Variants in CIITA observed in about 807,000 individuals in gnomAD.
CIITA encodes class II major histocompatibility complex transactivator, also known as MHC class II transactivator.
In CIITA, 72 loss-of-function variants were observed where a neutral mutation model predicts 115.1. The observed-to-expected ratio is 0.63, with a 90% CI of 0.52 to 0.76. CIITA has a LOEUF of 0.76. Ranked by LOEUF, CIITA falls within the 30% of genes least tolerant of loss-of-function variation. The pLI is 0.00. For synonymous variants in CIITA, 763 were observed against 635.6 expected (o/e 1.20, Z -3.02); for missense variants, 1,617 against 1,463.8 (o/e 1.10, Z -1.71).
chr16:10,891,506 T>A (rs1034435005), intron 1 of CIITA, among the ~76,000 whole-genome samples: 9 of 152,236 alleles, frequency 5.9e-5, no homozygotes, highest in African/African-American at 1.9e-4. Flanking sequence ...AATCATTTTA[T>A]AGATATGGCC....
chr16:10,905,083 G>A (rs2039046741), intron 10 of CIITA, among the ~76,000 whole-genome samples: 2 of 152,216 alleles, frequency 1.3e-5, no homozygotes, highest in South Asian at 2.1e-4. Flanking sequence ...TGAATGAGGG[G>A]CAAGCGAATG....
At chr16:10,872,398 T>C (rs2035549544), upstream of CIITA, among the ~76,000 whole-genome samples, 2 of 152,216 alleles carry the variant, frequency 1.3e-5, no homozygotes, top group Non-Finnish European at 2.9e-5. Flanking sequence ...GCTGGGATTA[T>C]AGGCGTGAGC....
rs1339376443 is a variant in CIITA, at chr16:10,909,021, C to T, written c.2658-8C>T. The T allele has an allele frequency of 1.9e-6, 3 of 1,614,110 alleles. No individual in the cohort carries two copies. Among genetic ancestry groups the T allele is most frequent in the Non-Finnish European group, 2.5e-6 (3 of 1,179,968 alleles). ...ACCGTGCCTGGGTCTGAGGCCCTCC[C>T]TCCACAGGGCTGCCTTGAGCGACAC... On this transcript the variant is annotated splice_polypyrimidine_tract_variant and splice_region_variant and intron_variant, in intron 11 of 19. Coordinates refer to ENST00000324288, the MANE Select transcript of CIITA (RefSeq NM_000246.4).
At chr16:10,906,212 T>C (rs1007063706) in intron 10 of CIITA, among the ~76,000 whole-genome samples, 1 of 151,828 alleles carries the variant, frequency 6.6e-6, no homozygotes, top group Non-Finnish European at 1.5e-5. Context: ...ATCAAAAAAT[T>C]ATCTGGGCAT....
chr16:10,913,966 T>TAAATAAATAA (rs746599484), intron 13 of CIITA, among the ~76,000 whole-genome samples: 1 of 77,360 alleles, frequency 1.3e-5, no homozygotes, highest in Non-Finnish European at 3.1e-5. Context: ...AATAAATAAA[T>TAAATAAATAA]AGAACTCCAT....
chr16:10,918,181 T>C (rs1466451034), intron 15 of CIITA, among the ~76,000 whole-genome samples: 1 of 152,146 alleles, frequency 6.6e-6, no homozygotes, highest in Admixed American at 6.5e-5. Flanking sequence ...TGCTGAAAAG[T>C]GGCGCAGAGG....
At position 10,918,703 on chromosome 16, in the gene CIITA, C is replaced by A. The variant is rs2040099020; in HGVS notation, c.3149+177C>A. Among the ~76,000 whole-genome samples, 2 of 152,226 alleles carry A rather than the reference C, an allele frequency of 1.3e-5. 1 individual carries two copies. The highest frequency in any genetic ancestry group is 4.1e-4 in the South Asian group (2 of 4,838). On this transcript the variant is annotated intron_variant, in intron 16 of 19. Transcript: ENST00000324288. Reference sequence around the variant, plus strand: ...ACTCTGAGCAAGTCAGTTATTCATTCCTAGCCGCTGTTTTCTTACCTGGAA... The same window carrying A: ...ACTCTGAGCAAGTCAGTTATTCATTACTAGCCGCTGTTTTCTTACCTGGAA...
intron 15 of CIITA, 27 bp from the exon 16 acceptor site, chr16:10,918,413 G>C: frequency 7.5e-6 from 12 of 1,607,446 alleles, no homozygotes; most frequent in Non-Finnish European, 8.5e-6. Context: ...TTGGTCCTGA[G>C]CCCTCCCCCT....
In CIITA at chr16:10,895,221, G is replaced by A. The variant is rs575879524; in HGVS notation, c.53-61G>A. ...TCACCAGCTGGGAGTTGTTGTAGGT[G>A]TCAATTTTCTGCCTCTTTCCAACAC... On this transcript the variant is annotated intron_variant, in intron 1 of 19. Transcript: ENST00000324288. The A allele has an allele frequency of 1.6e-5, 25 of 1,601,506 alleles. 1 individual carries two copies. Among genetic ancestry groups the A allele is most frequent in the African/African-American group, 9.4e-5 (7 of 74,866 alleles).
Position 10,906,491 on chromosome 16 carries a change from C to G in CIITA, c.1007-8C>G, listed in dbSNP as rs746768787. The G allele has an allele frequency of 1.2e-6, 2 of 1,611,572 alleles. No homozygotes were observed. Among genetic ancestry groups the G allele is most frequent in the Non-Finnish European group, 1.7e-6 (2 of 1,179,840 alleles). On this transcript the variant is annotated splice_polypyrimidine_tract_variant and splice_region_variant and intron_variant, in intron 10 of 19. Transcript: ENST00000324288. ...ACCCCCACCCTGACACGCCCCTGGC[C>G]TTTGCAGAGCCGGTGGAGCAGTTCT...
chr16:10,927,022 A>T lies in CIITA; in HGVS notation c.*3167A>T, dbSNP rs539760416. ...ATTGCCTGGGCTCAACGCCCACCTCACCACTTACTTATGCAAGCTAGTTCT... is the reference window on the plus strand; with the variant it reads ...ATTGCCTGGGCTCAACGCCCACCTCTCCACTTACTTATGCAAGCTAGTTCT... On this transcript the variant is annotated 3_prime_UTR_variant, in exon 20 of 20. Coordinates refer to ENST00000324288, the MANE Select transcript of CIITA (RefSeq NM_000246.4). 6.6e-6 allele frequency: 1 copy of T among 152,394 alleles called. No homozygotes were observed. The highest frequency in any genetic ancestry group is 1.9e-4 in the East Asian group (1 of 5,194). 9.4% of individuals were successfully genotyped at this position (152,394 alleles called of 1,614,324 possible). A position where few individuals can be genotyped will look rare whatever the true frequency, so the allele number is the denominator to read the frequency against.
rs1596654158 is a variant in CIITA at position 10,934,592 on chromosome 16, G to C, written c.*10737G>C. On this transcript the variant is annotated 3_prime_UTR_variant, in exon 20 of 20. Coordinates refer to ENST00000324288, the MANE Select transcript of CIITA (RefSeq NM_000246.4). The surrounding 1 kb of genome is among the most constrained non-coding windows in gnomAD (Gnocchi z 4.2). The stretch of plus-strand genomic sequence containing the variant: ...CCCAATGCTGCCACCTCATAGATGG[G>C]TATCTGAGATGAGTCATCGAACTTC... The C allele has an allele frequency of 1.3e-5, 2 of 152,236 alleles. No homozygotes were observed. The highest frequency in any genetic ancestry group is 1.3e-4 in the Admixed American group (2 of 15,286). 9.4% of individuals were successfully genotyped at this position (152,236 alleles called of 1,614,324 possible). A position where few individuals can be genotyped will look rare whatever the true frequency, so the allele number is the denominator to read the frequency against.
rs537397962 is a variant in CIITA, at chr16:10,889,528, T to G, written c.53-5754T>G. ...AATCTTTTTTGTTTTTTGTTTTTTG[T>G]TTTTTTTTTGAGATGGTATCTCACT... On this transcript the variant is annotated intron_variant, in intron 1 of 19. Coordinates refer to ENST00000324288, the MANE Select transcript of CIITA (RefSeq NM_000246.4). Among the ~76,000 whole-genome samples the G allele has an allele frequency of 7.8e-5, 11 of 140,432 alleles. 1 individual carries two copies. The East Asian group carries it at 2.0e-3, about 25-fold the overall frequency. The allele number at this position is 140,432 out of a possible 152,430, so 92.1% of individuals were successfully genotyped here.
At position 10,910,266 on chromosome 16, in the gene CIITA, A is replaced by T; in HGVS notation, c.2888+7A>T. The T allele has an allele frequency of 6.2e-7, 1 of 1,613,388 alleles. No individual in the cohort carries two copies. The highest frequency in any genetic ancestry group is 8.5e-7 in the Non-Finnish European group (1 of 1,179,486). On this transcript the variant is annotated splice_region_variant and intron_variant, in intron 13 of 19. Transcript: ENST00000324288. ...TAAAGAAACTGGAGTTTGCGTAAGC[A>T]AAGGGGTGGATTGTCTTGTGGGTCT...
At chr16:10,896,745 GTCT>G (rs780951180) in intron 3 of CIITA, among the ~76,000 whole-genome samples, 6 of 152,218 alleles carry the variant, frequency 3.9e-5, no homozygotes, top group Non-Finnish European at 8.8e-5. Flanking sequence ...CTTCTTAGTG[GTCT>G]TCTTCCTGCC....
chr16:10,888,147 A>G (rs995885357), intron 1 of CIITA, among the ~76,000 whole-genome samples: 2 of 152,212 alleles, frequency 1.3e-5, no homozygotes, highest in African/African-American at 4.8e-5. Context: ...ACCATGCAGA[A>G]GTTGTGCTGC....
intron 9 of CIITA, 111 bp downstream of exon 9, chr16:10,904,006 C>A: frequency 7.0e-7 from 1 of 1,431,572 alleles, no homozygotes; most frequent in South Asian, 1.2e-5. Context: ...GACAACAGGT[C>A]ATGTTTAGGG....
chr16:10,867,815 G>A (rs187564707), intron 1 of CIITA, among the ~76,000 whole-genome samples: 89 of 152,186 alleles, frequency 5.8e-4, no homozygotes, highest in Non-Finnish European at 9.3e-4. Flanking sequence ...GAGTGTAGTC[G>A]CATGATCACA....
intron 8 of CIITA, among the ~76,000 whole-genome samples, chr16:10,903,245 A>T (rs1469458369): frequency 6.6e-6 from 1 of 152,144 alleles, no homozygotes; most frequent in African/African-American, 2.4e-5. Context: ...TTTCCTAATC[A>T]GTAAAATGGT....
Sources: allele counts gnomAD v4.1 joint callset (sites outside exome capture counted in the v4.1 genomes callset), GRCh38; gene constraint gnomAD v4.1.1; non-coding constraint Gnocchi (gnomAD v3.1); transcripts MANE v1.5; gene names NCBI Gene and HGNC (gene_info 2026-07-23, HGNC 2026-07-21).